The following GLCCI1 variants were observed in gnomAD, a reference collection of about 807,000 sequenced individuals.
GLCCI1 encodes the protein glucocorticoid-induced transcript 1 protein.
In GLCCI1, 24 loss-of-function variants were observed where a neutral mutation model predicts 52.2. The observed-to-expected ratio is 0.46, with a 90% CI of 0.33 to 0.65. The LOEUF (loss-of-function observed/expected upper bound fraction) is 0.65, where lower values mean the gene tolerates loss of function less well. Ranked by LOEUF, GLCCI1 falls within the 30% of genes least tolerant of loss-of-function variation. The probability of loss-of-function intolerance (pLI) is 0.02; values close to 1 mark genes in which losing one functional copy is unlikely to be tolerated. For synonymous variants in GLCCI1, 310 were observed against 276.5 expected (o/e 1.12, Z -1.20); for missense variants, 704 against 701.5 (o/e 1.00, Z -0.04).
At chr7:7,993,902 T>C (rs925012530) in intron 1 of GLCCI1, among the ~76,000 whole-genome samples, 4 of 152,192 alleles carry the variant, frequency 2.6e-5, no homozygotes, top group Non-Finnish European at 5.9e-5. Context: ...CTTCTTGACT[T>C]AGGTATGATG....
intron 2 of GLCCI1, among the ~76,000 whole-genome samples, chr7:8,013,404 C>G (rs1367230145): frequency 6.6e-6 from 1 of 152,082 alleles, no homozygotes; most frequent in East Asian, 1.9e-4. Context: ...ATTTGGATCT[C>G]TTTCTGGCTT....
intron 2 of GLCCI1, among the ~76,000 whole-genome samples, chr7:8,012,426 T>A (rs897005927): frequency 2.4e-5 from 3 of 123,452 alleles, no homozygotes; most frequent in African/African-American, 9.5e-5. Flanking sequence ...GGGTTGCCTT[T>A]TTATTCTTTT....
At position 8,032,034 on chromosome 7, in the gene GLCCI1, T is replaced by A. The variant is rs150419182; in HGVS notation, c.696+9465T>A. 4.0e-3 allele frequency among the ~76,000 whole-genome samples: 608 copies of A among 152,108 alleles called. 6 individuals are homozygous for A. Among genetic ancestry groups the A allele is most frequent in the African/African-American group, 0.014 (589 of 41,540 alleles). ...CATTATTGAGAAACCAATTAGAGAA[T>A]CAGCAAGGTGATAGAAGACTTTAAC... On this transcript the variant is annotated intron_variant, in intron 3 of 7. Transcript: ENST00000223145.
chr7:8,029,690 A>C (rs1222812822), intron 3 of GLCCI1, among the ~76,000 whole-genome samples: 4 of 89,162 alleles, frequency 4.5e-5, no homozygotes, highest in Admixed American at 3.1e-4. Context: ...AAGCTATTAA[A>C]ACTGATAAAT....
chr7:8,015,069 G>A (rs1195558486), intron 2 of GLCCI1, among the ~76,000 whole-genome samples: 3 of 152,144 alleles, frequency 2.0e-5, no homozygotes, highest in African/African-American at 7.2e-5. Context: ...TTAAGAAACA[G>A]ATCCAGACTA....
At chr7:8,028,361 C>G (rs989388178) in intron 3 of GLCCI1, among the ~76,000 whole-genome samples, 3 of 152,038 alleles carry the variant, frequency 2.0e-5, no homozygotes, top group African/African-American at 7.2e-5. Flanking sequence ...CCTAAATGAC[C>G]AATGAGTCAA....
chr7:8,068,518 A>G (rs1216513110), intron 5 of GLCCI1, among the ~76,000 whole-genome samples: 2 of 152,186 alleles, frequency 1.3e-5, no homozygotes, highest in African/African-American at 4.8e-5. Flanking sequence ...TACAATGGCC[A>G]TTTCATCAAT....
chr7:8,070,958 C>T lies in GLCCI1; in HGVS notation c.1004C>T (p.Pro335Leu), dbSNP rs775720855. ...DIPDGRRAPL[P>L]AHYRSSSTRS... is the part of the protein sequence containing the mutation. ...CCAGATGGTCGAAGAGCTCCACTTC[C>T]TGCTCATTACCGGAGCAGTAGTACT... Residue 335 changes from proline (P) to leucine (L), a missense_variant, in exon 6 of 8, where the codon CCT becomes CTT. Physicochemically the swap from Pro to Leu is moderately conservative, Grantham distance 98 (BLOSUM62 -3). Transcript: ENST00000223145. 2 of 1,614,178 alleles carry T rather than the reference C, an allele frequency of 1.2e-6. No homozygotes were observed. Among genetic ancestry groups the T allele is most frequent in the South Asian group, 2.2e-5 (2 of 91,080 alleles).
At chr7:7,998,121 A>G (rs891601383) in intron 1 of GLCCI1, among the ~76,000 whole-genome samples, 7 of 151,544 alleles carry the variant, frequency 4.6e-5, no homozygotes, top group African/African-American at 1.7e-4. Context: ...TCATTTTGTA[A>G]GAGAACCTAC....
chr7:8,063,280 G>A (rs540218839), intron 5 of GLCCI1, among the ~76,000 whole-genome samples: 1 of 152,118 alleles, frequency 6.6e-6, no homozygotes, highest in African/African-American at 2.4e-5. Flanking sequence ...TGGGACTTCA[G>A]GTGCATGCTG....
At chr7:8,059,801 C>G (rs1425047799) in intron 4 of GLCCI1, among the ~76,000 whole-genome samples, 1 of 152,260 alleles carries the variant, frequency 6.6e-6, no homozygotes, top group East Asian at 1.9e-4. Context: ...AAAAGGAAAA[C>G]AATGTAAATA....
chr7:8,039,767 G>A (rs780101337), intron 3 of GLCCI1, among the ~76,000 whole-genome samples: 37 of 152,050 alleles, frequency 2.4e-4, no homozygotes, highest in Non-Finnish European at 4.9e-4. Flanking sequence ...GAGGCCACGC[G>A]GGGTGGATCA....
At chr7:7,973,077 G>T (rs1780387916) in intron 1 of GLCCI1, among the ~76,000 whole-genome samples, 1 of 152,126 alleles carries the variant, frequency 6.6e-6, no homozygotes, top group African/African-American at 2.4e-5. Context: ...TATTGCAGTG[G>T]TGAATGACAG....
chr7:8,035,756 T>G (rs1781853035), intron 3 of GLCCI1, among the ~76,000 whole-genome samples: 1 of 152,214 alleles, frequency 6.6e-6, no homozygotes, highest in Non-Finnish European at 1.5e-5. Context: ...GTGTCCCAAG[T>G]GCCTAACAGG....
chr7:8,060,434 C>T (rs947521125), intron 5 of GLCCI1, among the ~76,000 whole-genome samples, 186 bp downstream of exon 5: 5 of 152,160 alleles, frequency 3.3e-5, no homozygotes, highest in African/African-American at 9.7e-5. Flanking sequence ...ATCAATTTTA[C>T]AGCATTTTCA....
chr7:8,033,346 G>A (rs536729035), intron 3 of GLCCI1, among the ~76,000 whole-genome samples: 1 of 152,216 alleles, frequency 6.6e-6, no homozygotes, highest in East Asian at 1.9e-4. Flanking sequence ...AACAAGGCAA[G>A]GATGTCCACT....
Position 8,070,961 on chromosome 7 carries a change from C to T in GLCCI1, c.1007C>T (p.Ala336Val). 1.2e-6 allele frequency: 2 copies of T among 1,614,220 alleles called. No individual in the cohort carries two copies. Among genetic ancestry groups the T allele is most frequent in the Non-Finnish European group, 1.7e-6 (2 of 1,180,026 alleles). The change falls in exon 6 of 8, where the codon GCT becomes GTT. Residue 336 changes from alanine to valine, a missense_variant. By Grantham distance (64) the Ala-to-Val change is moderately conservative. This residue lies in a region of GLCCI1 where 547 missense variants were observed against 524.8 expected (regional missense o/e 1.04). Transcript: ENST00000223145. ...GATGGTCGAAGAGCTCCACTTCCTG[C>T]TCATTACCGGAGCAGTAGTACTCGC... is the stretch of plus-strand genomic sequence containing the variant. ...IPDGRRAPLP[A>V]HYRSSSTRSI...
chr7:8,030,636 T>C (rs1035490666), intron 3 of GLCCI1, among the ~76,000 whole-genome samples: 6 of 152,132 alleles, frequency 3.9e-5, no homozygotes, highest in African/African-American at 1.2e-4. Context: ...ACTACCCACC[T>C]AACAAGGGAT....
intron 3 of GLCCI1, among the ~76,000 whole-genome samples, chr7:8,054,920 A>T (rs1782350964): frequency 6.6e-6 from 1 of 151,574 alleles, no homozygotes; most frequent in Non-Finnish European, 1.5e-5. Flanking sequence ...ATATATAGTA[A>T]TATATTAAAT....
Sources: allele counts gnomAD v4.1 joint callset (sites outside exome capture counted in the v4.1 genomes callset), GRCh38; gene constraint gnomAD v4.1.1; regional missense constraint gnomAD v4.1.1; transcripts MANE v1.5; gene names NCBI Gene and HGNC (gene_info 2026-07-23, HGNC 2026-07-21).